KCNK2: variants seen among roughly 807,000 people sequenced by gnomAD.
KCNK2 encodes potassium channel subfamily K member 2.
In KCNK2, 21 loss-of-function variants were observed where a neutral mutation model predicts 40.5. The observed-to-expected ratio is 0.52, with a 90% CI of 0.37 to 0.75. The LOEUF (loss-of-function observed/expected upper bound fraction) is 0.75, where lower values mean the gene tolerates loss of function less well. Among genes scored for constraint, KCNK2 ranks in the 30% least tolerant of loss-of-function variants. The pLI is 0.00. For missense variants in KCNK2, 399 were observed against 531.6 expected (o/e 0.75, Z 2.45); for synonymous variants, 191 against 202.2 (o/e 0.94, Z 0.47).
chr1:215,050,906 G>C (rs1430191385), intron 1 of KCNK2, among the ~76,000 whole-genome samples: 1 of 152,160 alleles, frequency 6.6e-6, no homozygotes, highest in Non-Finnish European at 1.5e-5. Flanking sequence ...ATGGGGAACT[G>C]TGGGATGTCA....
chr1:215,073,746 AAC>A (rs1245068246), intron 1 of KCNK2, among the ~76,000 whole-genome samples: 4 of 152,154 alleles, frequency 2.6e-5, no homozygotes, highest in African/African-American at 7.2e-5. Context: ...TGAGAATAAC[AAC>A]AGTGTTTACC....
intron 5 of KCNK2, among the ~76,000 whole-genome samples, chr1:215,182,347 C>A (rs531925534): frequency 6.6e-6 from 1 of 152,196 alleles, no homozygotes; most frequent in Non-Finnish European, 1.5e-5. Flanking sequence ...GTTTGCTGCA[C>A]AACAATCTAT....
chr1:215,152,920 A>G (rs550580396), intron 3 of KCNK2, among the ~76,000 whole-genome samples: 2 of 152,286 alleles, frequency 1.3e-5, no homozygotes, highest in South Asian at 4.1e-4. Context: ...TGCTTTTATC[A>G]TTACTATTGT....
chr1:215,150,070 A>G (rs1214698514), intron 3 of KCNK2, among the ~76,000 whole-genome samples: 2 of 152,178 alleles, frequency 1.3e-5, no homozygotes, highest in Non-Finnish European at 2.9e-5. Context: ...ATCTAGTAAG[A>G]TCAGTCTTAG....
intron 1 of KCNK2, among the ~76,000 whole-genome samples, chr1:215,070,650 TG>T (rs1658724073): frequency 6.6e-6 from 1 of 152,024 alleles, no homozygotes; most frequent in Non-Finnish European, 1.5e-5. Flanking sequence ...TTTGACCCCG[TG>T]ATTCAATTAT....
At chr1:215,230,237 T>C (rs1666576706) in intron 6 of KCNK2, among the ~76,000 whole-genome samples, 1 of 150,252 alleles carries the variant, frequency 6.7e-6, no homozygotes, top group African/African-American at 2.4e-5. Context: ...ACCTACATGG[T>C]ATAGCCTACT....
chr1:215,058,769 T>G (rs940163939), intron 1 of KCNK2, among the ~76,000 whole-genome samples: 2 of 152,192 alleles, frequency 1.3e-5, no homozygotes, highest in African/African-American at 2.4e-5. Context: ...AAGATGTTTT[T>G]CTCTATGTTT....
chr1:215,020,279 T>C (rs911755178), intron 1 of KCNK2, among the ~76,000 whole-genome samples: 7 of 152,212 alleles, frequency 4.6e-5, no homozygotes, highest in African/African-American at 1.7e-4. Context: ...TAATCAAAGA[T>C]AAAGTCTGGC....
At chr1:215,195,191 T>G in intron 6 of KCNK2, 99 bp downstream of exon 6, 2 of 966,432 alleles carry the variant, frequency 2.1e-6, no homozygotes, top group Non-Finnish European at 2.9e-6. Flanking sequence ...TTTAAACATT[T>G]TAAAATGTTA....
At chr1:215,075,967 G>T (rs1658911841) in intron 1 of KCNK2, among the ~76,000 whole-genome samples, 1 of 152,216 alleles carries the variant, frequency 6.6e-6, no homozygotes, top group African/African-American at 2.4e-5. Flanking sequence ...CTTTGGGGGT[G>T]GGCCCCATAA....
chr1:215,099,790 C>A (rs1406209287), intron 2 of KCNK2, among the ~76,000 whole-genome samples: 1 of 151,968 alleles, frequency 6.6e-6, no homozygotes, highest in African/African-American at 2.4e-5. Flanking sequence ...AGTTCCTCTT[C>A]CACAATTATG....
chr1:215,163,722 T>G (rs1168698837), intron 3 of KCNK2, among the ~76,000 whole-genome samples: 2 of 152,182 alleles, frequency 1.3e-5, no homozygotes, highest in African/African-American at 4.8e-5. Context: ...GCATTATGTT[T>G]ATTGATTTGC....
At chr1:215,152,008 G>A (rs905955476) in intron 3 of KCNK2, among the ~76,000 whole-genome samples, 5 of 152,010 alleles carry the variant, frequency 3.3e-5, no homozygotes, top group African/African-American at 7.2e-5. Context: ...TTTTTGTTTA[G>A]AGGCTTATGT....
At chr1:215,035,528 T>C (rs1373568204) in intron 1 of KCNK2, among the ~76,000 whole-genome samples, 1 of 152,064 alleles carries the variant, frequency 6.6e-6, no homozygotes, top group East Asian at 1.9e-4. Flanking sequence ...AGTCTTTTGG[T>C]CTGCCTTCTT....
At chr1:215,232,353 T>C (rs1666699784) in intron 6 of KCNK2, among the ~76,000 whole-genome samples, 1 of 152,304 alleles carries the variant, frequency 6.6e-6, no homozygotes, top group East Asian at 1.9e-4. Flanking sequence ...ATGTGTGTAC[T>C]ATAAGACCTT....
chr1:215,203,337 T>G (rs2102675318), intron 6 of KCNK2, among the ~76,000 whole-genome samples: 1 of 152,298 alleles, frequency 6.6e-6, no homozygotes, highest in East Asian at 1.9e-4. Flanking sequence ...ATGTCTAATC[T>G]CTTTTGAATC....
intron 1 of KCNK2, among the ~76,000 whole-genome samples, chr1:215,070,235 C>T (rs554369621): frequency 6.1e-5 from 5 of 81,842 alleles, no homozygotes; most frequent in East Asian, 7.5e-4. Context: ...ATGGTGAAAC[C>T]CCATCTCTGC....
chr1:215,088,799 T>C (rs1278598155), intron 2 of KCNK2, among the ~76,000 whole-genome samples: 3 of 152,174 alleles, frequency 2.0e-5, no homozygotes, highest in Non-Finnish European at 2.9e-5. Flanking sequence ...TATGACCTAA[T>C]TTTTTTCTTT....
intron 6 of KCNK2, among the ~76,000 whole-genome samples, chr1:215,233,888 G>A (rs755387917): frequency 6.6e-6 from 1 of 152,286 alleles, no homozygotes; most frequent in African/African-American, 2.4e-5. Flanking sequence ...ACAAACATAC[G>A]GATGCAGTTT....
Sources: allele counts gnomAD v4.1 joint callset (sites outside exome capture counted in the v4.1 genomes callset), GRCh38; gene constraint gnomAD v4.1.1; transcripts MANE v1.5; gene names NCBI Gene and HGNC (gene_info 2026-07-23, HGNC 2026-07-21).